RANBP17: variants seen among roughly 807,000 people sequenced by gnomAD.
RANBP17 encodes ran-binding protein 17.
In RANBP17, 158 loss-of-function variants were observed where a neutral mutation model predicts 141.2. The ratio of observed to expected loss-of-function variants is 1.12; its 90% CI spans 0.98 to 1.28. The LOEUF is 1.28. Among genes scored for constraint, RANBP17 ranks in the 50% most tolerant of loss-of-function variants. RANBP17 has a pLI of 0.00. For missense variants in RANBP17, 1,438 were observed against 1,290.7 expected (o/e 1.11, Z -1.75); for synonymous variants, 430 against 450.0 (o/e 0.96, Z 0.56).
rs537258790 is a variant in RANBP17 at position 170,896,989 on chromosome 5, T to G, written c.489+874T>G. ...CGAAAACCAGATTGGCTGCTGCTTC[T>G]GGGACCTGGCACTAAGGGAGCACGC... On this transcript the variant is annotated intron_variant, in intron 5 of 27. Coordinates refer to ENST00000523189, the MANE Select transcript of RANBP17 (RefSeq NM_022897.5). The G allele has an allele frequency of 1.3e-4, 140 of 1,083,016 alleles. 2 individuals carry two copies. The South Asian group carries it at 1.8e-3, about 14-fold the overall frequency. 67.1% of individuals were successfully genotyped at this position (1,083,016 alleles called of 1,614,324 possible). A position where few individuals can be genotyped will look rare whatever the true frequency, so the allele number is the denominator to read the frequency against.
At chr5:171,160,377 A>C (rs1759254385) in intron 14 of RANBP17, among the ~76,000 whole-genome samples, 1 of 152,198 alleles carries the variant, frequency 6.6e-6, no homozygotes, top group South Asian at 2.1e-4. Context: ...GTCCAGATAA[A>C]GCACAAAGAA....
intron 14 of RANBP17, among the ~76,000 whole-genome samples, chr5:171,040,564 T>C (rs1234692968): frequency 6.6e-6 from 1 of 152,102 alleles, no homozygotes; most frequent in African/African-American, 2.4e-5. Context: ...AGGTGAGATA[T>C]GAAGTTTTGG....
chr5:171,157,602 T>C (rs1450677728), intron 14 of RANBP17, among the ~76,000 whole-genome samples: 1 of 152,246 alleles, frequency 6.6e-6, no homozygotes, highest in Non-Finnish European at 1.5e-5. Flanking sequence ...AAGATTGTAT[T>C]TACCATATTG....
chr5:170,869,064 C>T (rs1767496667), intron 1 of RANBP17, among the ~76,000 whole-genome samples: 1 of 151,998 alleles, frequency 6.6e-6, no homozygotes, highest in African/African-American at 2.4e-5. Flanking sequence ...AAATTCAAAC[C>T]TTTCCCTTTT....
intron 13 of RANBP17, among the ~76,000 whole-genome samples, chr5:170,961,394 A>T (rs1049110061): frequency 6.6e-6 from 1 of 152,206 alleles, no homozygotes; most frequent in Non-Finnish European, 1.5e-5. Context: ...TTATACTTGG[A>T]TCAAAAATTA....
intron 18 of RANBP17, among the ~76,000 whole-genome samples, chr5:171,184,551 T>C (rs536072063): frequency 6.6e-6 from 1 of 152,282 alleles, no homozygotes; most frequent in Admixed American, 6.5e-5. Flanking sequence ...TGTACGTAGA[T>C]GGTGACTATA....
In RANBP17 at chr5:170,968,363, C is replaced by T; in HGVS notation, c.1696C>T (p.Gln566Ter). The change falls in exon 14 of 28, where the codon CAA becomes TAA. Residue 566 changes from glutamine (Q) to a stop codon, truncating the protein, a stop_gained. Transcript: ENST00000523189. LOFTEE classifies it high-confidence loss of function. ...TAAAACATATGTTGGTGATCAACTT[C>T]AAAGAACCTCAAAGGTAGGTTTCTA... is the stretch of plus-strand genomic sequence containing the variant. The part of the protein sequence containing the change: ...FRKTYVGDQL[Q>*]RTSKVYARMS... 6.2e-7 allele frequency: 1 copy of T among 1,602,796 alleles called. No individual in the cohort carries two copies. The highest frequency in any genetic ancestry group is 8.5e-7 in the Non-Finnish European group (1 of 1,176,050).
chr5:170,947,839 T>A (rs879646467), intron 12 of RANBP17, among the ~76,000 whole-genome samples: 8 of 152,024 alleles, frequency 5.3e-5, no homozygotes, highest in Non-Finnish European at 7.4e-5. Flanking sequence ...TTCCCCAGAG[T>A]GAACATTCTC....
rs773951844 is a variant in RANBP17, at chr5:171,298,824, A to G, written c.3233A>G (p.Asn1078Ser). The G allele has an allele frequency of 6.8e-6, 11 of 1,614,070 alleles. No individual in the cohort carries two copies. Among genetic ancestry groups the G allele is most frequent in the Admixed American group, 3.3e-5 (2 of 60,004 alleles). Residue 1078 changes from asparagine (N) to serine (S), a missense_variant, in exon 28 of 28, where the codon AAC becomes AGC. By Grantham distance (46) the Asn-to-Ser change is conservative. Coordinates refer to ENST00000523189, the MANE Select transcript of RANBP17 (RefSeq NM_022897.5). The part of the protein sequence containing the change: ...DVAEALRSDG[N>S]TEPCSLDMMS ...GCAGAGGCGTTGCGCAGTGATGGCAACACTGAACCATGCAGTCTCGACATG... is the reference window on the plus strand; with the variant it reads ...GCAGAGGCGTTGCGCAGTGATGGCAGCACTGAACCATGCAGTCTCGACATG...
At chr5:171,056,723 T>A (rs1783401332) in intron 14 of RANBP17, among the ~76,000 whole-genome samples, 1 of 152,168 alleles carries the variant, frequency 6.6e-6, no homozygotes, top group Non-Finnish European at 1.5e-5. Flanking sequence ...TAATTTTACT[T>A]TGGAAAGTTT....
intron 14 of RANBP17, among the ~76,000 whole-genome samples, chr5:171,022,557 A>G (rs1780942438): frequency 6.6e-6 from 1 of 152,196 alleles, no homozygotes; most frequent in Admixed American, 6.5e-5. Context: ...CAAGCCTGAA[A>G]AGGCACTCTG....
At chr5:171,252,144 A>G in intron 24 of RANBP17, 1 of 1,592,476 alleles carries the variant, frequency 6.3e-7, no homozygotes, top group Middle Eastern at 2.1e-4. Flanking sequence ...AAGATTACAG[A>G]AAGAAGATGA....
chr5:171,065,857 G>A (rs984119821), intron 14 of RANBP17, among the ~76,000 whole-genome samples: 2 of 151,316 alleles, frequency 1.3e-5, no homozygotes, highest in Admixed American at 6.6e-5. Context: ...AGCTATTCTT[G>A]TGTTTATTTT....
Position 170,876,603 on chromosome 5 carries a change from C to G in RANBP17, c.19-1494C>G, listed in dbSNP as rs368677019. The stretch of plus-strand genomic sequence containing the variant: ...TTATTTTTGGACTTCTGTGTTTACT[C>G]TAGCAGGAAATTTCCAAATCTGGGA... On this transcript the variant is annotated intron_variant, in intron 1 of 27. Transcript: ENST00000523189. Among the ~76,000 whole-genome samples, 6 of 151,930 alleles carry G rather than the reference C, an allele frequency of 3.9e-5. No individual in the cohort carries two copies. In the East Asian group the frequency reaches 7.7e-4, roughly 20 times the overall value.
chr5:171,251,251 G>A (rs1272274571), intron 24 of RANBP17, among the ~76,000 whole-genome samples: 2 of 151,868 alleles, frequency 1.3e-5, no homozygotes, highest in African/African-American at 4.8e-5. Flanking sequence ...ACCATGCCCA[G>A]CTTTTTTTTT....
intron 13 of RANBP17, among the ~76,000 whole-genome samples, chr5:170,959,428 G>A (rs1775980546): frequency 2.0e-5 from 3 of 152,094 alleles, no homozygotes; most frequent in Admixed American, 6.5e-5. Context: ...TTTAACACTG[G>A]CCTCCTTGCT....
intron 14 of RANBP17, among the ~76,000 whole-genome samples, chr5:171,042,173 T>C (rs1013465889): frequency 1.3e-5 from 2 of 152,104 alleles, no homozygotes; most frequent in African/African-American, 2.4e-5. Context: ...TTCCATGTCT[T>C]TGCTATTGAA....
intron 18 of RANBP17, among the ~76,000 whole-genome samples, chr5:171,189,404 CT>C (rs1395480629): frequency 6.6e-6 from 1 of 152,234 alleles, no homozygotes; most frequent in Non-Finnish European, 1.5e-5. Flanking sequence ...AGTTATTCTT[CT>C]TCCCAAAATT....
intron 14 of RANBP17, among the ~76,000 whole-genome samples, chr5:171,120,763 G>T (rs2127772684): frequency 6.6e-6 from 1 of 152,204 alleles, no homozygotes; most frequent in Non-Finnish European, 1.5e-5. Flanking sequence ...CTTTAGACAT[G>T]TTATGTTTCC....
Sources: allele counts gnomAD v4.1 joint callset (sites outside exome capture counted in the v4.1 genomes callset), GRCh38; gene constraint gnomAD v4.1.1; transcripts MANE v1.5; gene names NCBI Gene and HGNC (gene_info 2026-07-23, HGNC 2026-07-21).